Variants in DCC observed in about 807,000 individuals in gnomAD.
DCC encodes netrin receptor DCC.
A neutral mutation model predicts 172.5 loss-of-function variants in DCC; 58 were observed. The ratio of observed to expected loss-of-function variants is 0.34; its 90% CI spans 0.27 to 0.42. DCC has a LOEUF of 0.42. Among genes scored for constraint, DCC ranks in the 10% least tolerant of loss-of-function variants. The probability of loss-of-function intolerance (pLI) is 1.00; values close to 1 mark genes in which losing one functional copy is unlikely to be tolerated. For missense variants in DCC, 1,740 were observed against 1,791.0 expected (o/e 0.97, Z 0.51); for synonymous variants, 709 against 644.5 (o/e 1.10, Z -1.52).
chr18:52,883,933 T>C (rs1238767285), intron 2 of DCC, among the ~76,000 whole-genome samples: 2 of 151,634 alleles, frequency 1.3e-5, no homozygotes, highest in Admixed American at 6.6e-5. Flanking sequence ...AGGATGGGCT[T>C]TATTTCTCCT....
chr18:52,524,430 C>A (rs910202281), intron 1 of DCC, among the ~76,000 whole-genome samples: 5 of 152,170 alleles, frequency 3.3e-5, no homozygotes, highest in Non-Finnish European at 7.4e-5. Context: ...CTTGAAGAAG[C>A]TCCTGCTTAT....
chr18:52,887,141 C>G (rs944050565), intron 2 of DCC, among the ~76,000 whole-genome samples: 1 of 152,156 alleles, frequency 6.6e-6, no homozygotes, highest in Non-Finnish European at 1.5e-5. Flanking sequence ...AAGCTTGAAA[C>G]AGTATTGCAA....
At chr18:52,954,808 TATAA>T (rs964811641) in intron 5 of DCC, among the ~76,000 whole-genome samples, 2 of 152,222 alleles carry the variant, frequency 1.3e-5, no homozygotes, top group African/African-American at 4.8e-5. Context: ...AGAGGAGTTG[TATAA>T]ATATTCTAAT....
In DCC at chr18:52,837,132, C is replaced by T. The variant is rs1261473853; in HGVS notation, c.413-68912C>T. Among the ~76,000 whole-genome samples the T allele has an allele frequency of 5.3e-5, 8 of 152,180 alleles. No individual in the cohort carries two copies. In the South Asian group the frequency reaches 1.4e-3, roughly 28 times the overall value. ...CAGGGCACCAAGTCCCTAGGCTGCA[C>T]ACAGCAGGAGGGGCTCTGGGTTGGG... On this transcript the variant is annotated intron_variant, in intron 2 of 28. Transcript: ENST00000442544.
At chr18:52,805,199 T>C (rs564036055) in intron 2 of DCC, among the ~76,000 whole-genome samples, 4 of 152,314 alleles carry the variant, frequency 2.6e-5, no homozygotes, top group South Asian at 2.1e-4. Context: ...ATCTCTGGCT[T>C]TCCTTCTCTC....
intron 1 of DCC, among the ~76,000 whole-genome samples, chr18:52,721,476 G>T (rs948070904): frequency 6.6e-6 from 1 of 152,144 alleles, no homozygotes; most frequent in Non-Finnish European, 1.5e-5. Context: ...TTATCAACTA[G>T]GCACTGGGTT....
At chr18:53,040,754 G>A (rs1276509745) in intron 5 of DCC, among the ~76,000 whole-genome samples, 1 of 151,850 alleles carries the variant, frequency 6.6e-6, no homozygotes, top group African/African-American at 2.4e-5. Context: ...AACTAATCAA[G>A]GAACGAGTAA....
At chr18:53,292,228 C>A (rs917353105) in intron 12 of DCC, among the ~76,000 whole-genome samples, 2 of 151,708 alleles carry the variant, frequency 1.3e-5, no homozygotes, top group African/African-American at 2.4e-5. Flanking sequence ...GAAAGCCCAG[C>A]GGGCAGGAAG....
chr18:52,971,324 G>A (rs1271158142), intron 5 of DCC, among the ~76,000 whole-genome samples: 1 of 152,116 alleles, frequency 6.6e-6, no homozygotes, highest in Non-Finnish European at 1.5e-5. Flanking sequence ...CAGAAAATTA[G>A]CTTGCTCAGC....
chr18:52,444,394 A>AT (rs1177778922), intron 1 of DCC, among the ~76,000 whole-genome samples: 3 of 152,198 alleles, frequency 2.0e-5, no homozygotes, highest in African/African-American at 4.8e-5. Flanking sequence ...AGCTGAATTT[A>AT]TTTTTTTTAG....
intron 1 of DCC, among the ~76,000 whole-genome samples, chr18:52,714,669 G>T (rs781099914): frequency 2.0e-5 from 3 of 152,032 alleles, no homozygotes; most frequent in African/African-American, 7.2e-5. Flanking sequence ...CCTAATGTTG[G>T]ATTACTGACT....
At chr18:52,578,356 T>C (rs1256435684) in intron 1 of DCC, among the ~76,000 whole-genome samples, 2 of 152,228 alleles carry the variant, frequency 1.3e-5, no homozygotes, top group African/African-American at 4.8e-5. Flanking sequence ...TTTGCCCACA[T>C]GTATCACTGA....
At chr18:52,817,791 T>TTA (rs151243256) in intron 2 of DCC, among the ~76,000 whole-genome samples, 30,579 of 150,660 alleles carry the variant, frequency 0.2, 3,315 homozygotes, top group Middle Eastern at 0.33. Flanking sequence ...TATAAAATGT[T>TTA]TATATATATA....
intron 12 of DCC, among the ~76,000 whole-genome samples, chr18:53,220,286 T>C (rs968961136): frequency 7.9e-5 from 12 of 152,158 alleles, no homozygotes; most frequent in African/African-American, 2.9e-4. Flanking sequence ...ACCTCCCTGC[T>C]GCGTGACAAT....
chr18:52,953,032 AT>A, intron 5 of DCC, among the ~76,000 whole-genome samples: 9 of 143,958 alleles, frequency 6.3e-5, no homozygotes, highest in Non-Finnish European at 1.4e-4. Flanking sequence ...AAAAAAACTC[AT>A]AACATTGCCT....
intron 1 of DCC, among the ~76,000 whole-genome samples, chr18:52,719,431 G>C (rs75657065): frequency 5.3e-5 from 8 of 152,116 alleles, no homozygotes; most frequent in African/African-American, 1.7e-4. Context: ...CTCAGGAAGG[G>C]TGAGGGCTCC....
At position 52,497,316 on chromosome 18, in the gene DCC, C is replaced by CAT. The variant is rs1375804537; in HGVS notation, c.91+156439_91+156440insTA. Among the ~76,000 whole-genome samples, 3 of 30,572 alleles carry CAT rather than the reference C, an allele frequency of 9.8e-5. 1 individual carries two copies. Among genetic ancestry groups the CAT allele is most frequent in the Non-Finnish European group, 7.0e-5 (1 of 14,372 alleles). 20.1% of individuals were successfully genotyped at this position (30,572 alleles called of 152,430 possible). On this transcript the variant is annotated intron_variant, in intron 1 of 28. Coordinates refer to ENST00000442544, the MANE Select transcript of DCC (RefSeq NM_005215.4). ...ATATATATATATATATATATATATA[C>CAT]ACACACACATATATATACACACGTA...
chr18:52,420,854 G>A (rs1355660154), intron 1 of DCC, among the ~76,000 whole-genome samples: 1 of 152,068 alleles, frequency 6.6e-6, no homozygotes, highest in Non-Finnish European at 1.5e-5. Context: ...TGAGGATTGG[G>A]TTTAGAGGAG....
intron 17 of DCC, among the ~76,000 whole-genome samples, chr18:53,393,713 G>T (rs920750041): frequency 1.3e-4 from 20 of 152,188 alleles, no homozygotes; most frequent in African/African-American, 4.8e-4. Flanking sequence ...GTTTTCTTCA[G>T]AATGGTTTGA....
Sources: gnomAD v4.1 joint callset for allele counts (sites outside exome capture counted in the v4.1 genomes callset) on GRCh38, gnomAD v4.1.1 for gene constraint, MANE v1.5 for transcripts, NCBI Gene and HGNC (gene_info 2026-07-23, HGNC 2026-07-21) for gene names.